Variants in PAFAH1B1 observed in about 807,000 individuals in gnomAD.
The protein encoded by PAFAH1B1 is platelet-activating factor acetylhydrolase IB subunit beta.
A neutral mutation model predicts 57.5 loss-of-function variants in PAFAH1B1; 2 were observed. The observed-to-expected ratio is 0.03, with a 90% CI of 0.01 to 0.11. The LOEUF (loss-of-function observed/expected upper bound fraction) is 0.11. Among genes scored for constraint, PAFAH1B1 ranks in the 10% least tolerant of loss-of-function variants. PAFAH1B1 has a pLI of 1.00. For synonymous variants in PAFAH1B1, 152 were observed against 169.6 expected, an observed-to-expected ratio of 0.90 and a Z score of 0.81; for missense variants, 257 against 512.0, an observed-to-expected ratio of 0.50 and a Z score of 4.81.
intron 2 of PAFAH1B1, chr17:2,662,130 A>G (rs932146261): frequency 3.3e-5 from 5 of 151,930 alleles, no homozygotes; most frequent in Non-Finnish European, 7.3e-5. Context: ...ACCCTAGGGG[A>G]TAAAAACAAA....
intron 8 of PAFAH1B1, among the ~76,000 whole-genome samples, chr17:2,675,182 T>C (rs2069243761): frequency 6.6e-6 from 1 of 152,108 alleles, no homozygotes; most frequent in African/African-American, 2.4e-5. Context: ...TTTATATTTT[T>C]AGTAGAAACA....
intron 6 of PAFAH1B1, among the ~76,000 whole-genome samples, chr17:2,672,142 TGTG>T (rs1375143092): frequency 1.3e-5 from 2 of 151,878 alleles, no homozygotes; most frequent in Middle Eastern, 3.4e-3. Flanking sequence ...TGGTACCAGA[TGTG>T]GTGGTACACA....
At position 2,685,593 on chromosome 17, in the gene PAFAH1B1, A is replaced by G. The variant is rs1406772482; in HGVS notation, c.*3791A>G. Reference sequence around the variant, plus strand: ...AAAATCTTATTGTACCAACTGGTAAACTATTAAATGCCTATAAAACTAGAT... The same window carrying G: ...AAAATCTTATTGTACCAACTGGTAAGCTATTAAATGCCTATAAAACTAGAT... On this transcript the variant is annotated 3_prime_UTR_variant, in exon 11 of 11. Coordinates refer to ENST00000397195, the MANE Select transcript of PAFAH1B1 (RefSeq NM_000430.4). The G allele has an allele frequency of 6.6e-6, 1 of 150,842 alleles. No homozygotes were observed. Among genetic ancestry groups the G allele is most frequent in the Non-Finnish European group, 1.5e-5 (1 of 67,816 alleles). 9.3% of individuals were successfully genotyped at this position (150,842 alleles called of 1,614,324 possible).
chr17:2,654,498 GATA>G (rs1306705993), intron 2 of PAFAH1B1, among the ~76,000 whole-genome samples: 2 of 151,992 alleles, frequency 1.3e-5, no homozygotes, highest in African/African-American at 4.8e-5. Context: ...TTAAAAGTTT[GATA>G]ATGATGGAAT....
chr17:2,607,255 C>G (rs1404198807), intron 1 of PAFAH1B1, among the ~76,000 whole-genome samples: 1 of 152,096 alleles, frequency 6.6e-6, no homozygotes, highest in Non-Finnish European at 1.5e-5. Flanking sequence ...CTCACTGCAA[C>G]CTCGGCCTCC....
intron 3 of PAFAH1B1, 96 bp downstream of exon 3, chr17:2,665,552 T>A: frequency 1.3e-6 from 1 of 759,590 alleles, no homozygotes; most frequent in Non-Finnish European, 2.3e-6. Context: ...TGTCATTTGT[T>A]ATTGTGGTCT....
intron 2 of PAFAH1B1, chr17:2,641,984 C>T (rs1436932855): frequency 6.6e-6 from 1 of 152,046 alleles, no homozygotes; most frequent in African/African-American, 2.4e-5. Flanking sequence ...TGGCTTCCAC[C>T]CACTAGATGC....
chr17:2,610,245 A>G (rs1397223982), intron 1 of PAFAH1B1, among the ~76,000 whole-genome samples: 2 of 152,244 alleles, frequency 1.3e-5, no homozygotes, highest in African/African-American at 4.8e-5. Context: ...CTCCTTATTT[A>G]AAGCAATTTA....
At chr17:2,657,524 G>A (rs181915009) in intron 2 of PAFAH1B1, among the ~76,000 whole-genome samples, 79 of 152,308 alleles carry the variant, frequency 5.2e-4, no homozygotes, top group African/African-American at 1.9e-3. Context: ...GATTACAGGC[G>A]TGAGCTACCA....
At position 2,626,554 on chromosome 17, in the gene PAFAH1B1, C is replaced by T. The variant is rs374798197; in HGVS notation, c.-190-11545C>T. ...AACTTGAACCGGCATCACCTTTCTT[C>T]CCCCCCCCCCCCCCCCCGAGGCGGA... is the stretch of plus-strand genomic sequence containing the variant. On this transcript the variant is annotated intron_variant, in intron 1 of 10. Transcript: ENST00000397195. Among the ~76,000 whole-genome samples the T allele has an allele frequency of 2.1e-3, 33 of 15,516 alleles. 1 individual carries two copies. Among genetic ancestry groups the T allele is most frequent in the African/African-American group, 8.0e-3 (24 of 2,996 alleles). 10.2% of individuals were successfully genotyped at this position (15,516 alleles called of 152,430 possible).
At chr17:2,600,579 A>C (rs1459793087) in intron 1 of PAFAH1B1, among the ~76,000 whole-genome samples, 1 of 151,282 alleles carries the variant, frequency 6.6e-6, no homozygotes, top group African/African-American at 2.4e-5. Context: ...AAAAAAAAAA[A>C]AAAAAAACCA....
chr17:2,671,951 T>C (rs778067507), intron 6 of PAFAH1B1, among the ~76,000 whole-genome samples: 1 of 152,044 alleles, frequency 6.6e-6, no homozygotes, highest in Non-Finnish European at 1.5e-5. Context: ...ATCCATTTGC[T>C]TTATCTTTTT....
At position 2,593,763 on chromosome 17, in the gene PAFAH1B1, G is replaced by A; in HGVS notation, c.-434G>A. On this transcript the variant is annotated 5_prime_UTR_variant, in exon 1 of 11. Coordinates refer to ENST00000397195, the MANE Select transcript of PAFAH1B1 (RefSeq NM_000430.4). ...TCTAGGGAGCGAGAAGGAGAAGGAG[G>A]GGAGCGCTCGGGCGCGAGCGAGAGA... is the stretch of plus-strand genomic sequence containing the variant. 2.6e-6 allele frequency: 1 copy of A among 389,020 alleles called. No homozygotes were observed. Among genetic ancestry groups the A allele is most frequent in the Non-Finnish European group, 4.5e-6 (1 of 220,098 alleles). 24.1% of individuals were successfully genotyped at this position (389,020 alleles called of 1,614,324 possible).
At position 2,683,993 on chromosome 17, in the gene PAFAH1B1, C is replaced by G. The variant is rs546201065; in HGVS notation, c.*2191C>G. 2 of 152,726 alleles carry G rather than the reference C, an allele frequency of 1.3e-5. No individual in the cohort carries two copies. Among genetic ancestry groups the G allele is most frequent in the Admixed American group, 6.5e-5 (1 of 15,306 alleles). The allele number at this position is 152,726 out of a possible 1,614,324, so 9.5% of individuals were successfully genotyped here. ...ACAATAAAGGAGAATGGTACCGATG[C>G]AGGAGGAAGCAAGCGTGTCTTCCCC... On this transcript the variant is annotated 3_prime_UTR_variant, in exon 11 of 11. Transcript: ENST00000397195.
intron 6 of PAFAH1B1, among the ~76,000 whole-genome samples, chr17:2,670,882 C>T (rs1643878202): frequency 6.6e-6 from 1 of 152,140 alleles, no homozygotes; most frequent in Non-Finnish European, 1.5e-5. Flanking sequence ...AAAATTTAAA[C>T]CTCTTTCATC....
At chr17:2,602,128 G>A (rs568527317) in intron 1 of PAFAH1B1, among the ~76,000 whole-genome samples, 73 of 151,594 alleles carry the variant, frequency 4.8e-4, no homozygotes, top group Middle Eastern at 6.8e-3. Flanking sequence ...AAATCCCAAC[G>A]TAAAGATAAA....
At chr17:2,625,746 C>T (rs1457763421) in intron 1 of PAFAH1B1, among the ~76,000 whole-genome samples, 5 of 151,960 alleles carry the variant, frequency 3.3e-5, no homozygotes, top group Non-Finnish European at 4.4e-5. Flanking sequence ...GGCAACATAG[C>T]GGGACCCCGT....
intron 2 of PAFAH1B1, among the ~76,000 whole-genome samples, chr17:2,660,705 A>G (rs2069003168): frequency 6.6e-6 from 1 of 152,310 alleles, no homozygotes; most frequent in South Asian, 2.1e-4. Flanking sequence ...ATAGTGCTGC[A>G]GTAAACATGT....
chr17:2,681,702 T>C (rs2151675317), intron 10 of PAFAH1B1, 27 bp from the exon 11 acceptor site: 1 of 1,590,780 alleles, frequency 6.3e-7, no homozygotes, highest in Non-Finnish European at 8.6e-7. Context: ...GTGTGAGTTT[T>C]AAATAAACCA....
Sources: gnomAD v4.1 joint callset for allele counts (sites outside exome capture counted in the v4.1 genomes callset) on GRCh38, gnomAD v4.1.1 for gene constraint, MANE v1.5 for transcripts, NCBI Gene and HGNC (gene_info 2026-07-23, HGNC 2026-07-21) for gene names.